The following PCDHGA5 variants were observed in gnomAD, a reference collection of about 807,000 sequenced individuals.
PCDHGA5 encodes the protein protocadherin gamma subfamily A, 5, also known as protocadherin gamma-A5.
Under a neutral mutation model 56.7 loss-of-function variants are expected in PCDHGA5, and 36 were observed. The observed-to-expected ratio is 0.64, with a 90% CI of 0.49 to 0.84. The LOEUF (loss-of-function observed/expected upper bound fraction) is 0.84. PCDHGA5 is among the 40% of genes least tolerant of loss of function. PCDHGA5 has a pLI of 0.00. For synonymous variants in PCDHGA5, 563 were observed against 520.2 expected, an observed-to-expected ratio of 1.08 and a Z score of -1.12; for missense variants, 1,305 against 1,201.5, an observed-to-expected ratio of 1.09 and a Z score of -1.27.
intron 1 of PCDHGA5, chr5:141,433,010 C>A (rs1392666523): frequency 6.2e-7 from 1 of 1,614,178 alleles, no homozygotes. Flanking sequence ...GGCTTTCCTG[C>A]AGACCTATTC....
At chr5:141,427,361 A>C in intron 1 of PCDHGA5, 1 of 457,772 alleles carries the variant, frequency 2.2e-6, no homozygotes, top group Non-Finnish European at 4.4e-6. Flanking sequence ...AGGACGCAGA[A>C]CCCTGGACGG....
In PCDHGA5 at chr5:141,365,455, T is replaced by G; in HGVS notation, c.1125T>G (p.Asp375Glu). 2 of 1,614,042 alleles carry G rather than the reference T, an allele frequency of 1.2e-6. No individual in the cohort carries two copies. The highest frequency in any genetic ancestry group is 1.7e-6 in the Non-Finnish European group (2 of 1,179,900). The change falls in exon 1 of 4, where the codon GAT (aspartate) becomes GAG (glutamate). Residue 375 changes from aspartate to glutamate, a missense_variant. Asp to Glu is a conservative substitution (Grantham distance 45, BLOSUM62 2). Coordinates refer to ENST00000518069, the MANE Select transcript of PCDHGA5 (RefSeq NM_018918.3). ...VIALFSVHDGDSGENGEIACS... is the reference protein window; with the variant it reads ...VIALFSVHDGESGENGEIACS... ...CGCTGTTTAGCGTACATGATGGTGA[T>G]TCTGGAGAAAATGGTGAGATTGCAT...
chr5:141,509,979 T>C (rs908103989), intron 3 of PCDHGA5, among the ~76,000 whole-genome samples: 4 of 152,204 alleles, frequency 2.6e-5, no homozygotes, highest in African/African-American at 7.2e-5. Context: ...CTTCTAACAC[T>C]TGGTTCCCTC....
chr5:141,490,485 G>A lies in PCDHGA5; in HGVS notation c.2422-4322G>A. 3 of 1,614,202 alleles carry A rather than the reference G, an allele frequency of 1.9e-6. No individual in the cohort carries two copies. Among genetic ancestry groups the A allele is most frequent in the Middle Eastern group, 3.3e-4 (2 of 6,062 alleles). On this transcript the variant is annotated intron_variant, in intron 1 of 3. Coordinates refer to ENST00000518069, the MANE Select transcript of PCDHGA5 (RefSeq NM_018918.3). This position sits in a 1 kb window ranked among gnomAD's most constrained non-coding sequence, Gnocchi z 5.4. ...TAACCAGCCAGCCTTTGGACCGGGA[G>A]GCCACATCCCACTATATCATCGAGC... is the stretch of plus-strand genomic sequence containing the variant.
At chr5:141,430,829 T>A (rs763916884) in intron 1 of PCDHGA5, 1 of 1,554,558 alleles carries the variant, frequency 6.4e-7, no homozygotes, top group Non-Finnish European at 8.7e-7. Context: ...GGGGACTCTG[T>A]GGGAGACCGG....
chr5:141,388,382 A>T, intron 1 of PCDHGA5: 1 of 1,614,018 alleles, frequency 6.2e-7, no homozygotes, highest in Non-Finnish European at 8.5e-7. Flanking sequence ...GTAGCAACAC[A>T]CTGCAGAATT....
intron 1 of PCDHGA5, chr5:141,388,188 T>C: frequency 6.5e-7 from 1 of 1,540,372 alleles, no homozygotes; most frequent in South Asian, 1.1e-5. Context: ...GAAGCCAGCT[T>C]GTGCTCTGGA....
chr5:141,386,398 C>T (rs904703549), intron 1 of PCDHGA5, among the ~76,000 whole-genome samples: 2 of 151,972 alleles, frequency 1.3e-5, no homozygotes, highest in South Asian at 2.1e-4. Flanking sequence ...ACACTTTTAG[C>T]CAGGTATGGT....
chr5:141,387,829 G>T, intron 1 of PCDHGA5: 2 of 1,591,770 alleles, frequency 1.3e-6, no homozygotes, highest in South Asian at 2.3e-5. Flanking sequence ...CAATACAGAG[G>T]TTATTTGTAA....
intron 1 of PCDHGA5, chr5:141,478,018 C>G: frequency 6.2e-7 from 1 of 1,614,124 alleles, no homozygotes; most frequent in Non-Finnish European, 8.5e-7. Flanking sequence ...CCCGTCCAGT[C>G]CAAGACACAG....
At chr5:141,500,152 A>C (rs1301287171) in intron 2 of PCDHGA5, among the ~76,000 whole-genome samples, 1 of 151,610 alleles carries the variant, frequency 6.6e-6, no homozygotes, top group African/African-American at 2.4e-5. Flanking sequence ...TTCTTTGTGT[A>C]ATCAAAGAAC....
At chr5:141,435,214 A>G (rs1314928643) in intron 1 of PCDHGA5, among the ~76,000 whole-genome samples, 2 of 152,176 alleles carry the variant, frequency 1.3e-5, no homozygotes, top group South Asian at 2.1e-4. Context: ...AAGTGAATTT[A>G]CTTTCTTTCA....
intron 1 of PCDHGA5, chr5:141,421,613 A>T (rs2096587756): frequency 6.2e-7 from 1 of 1,613,720 alleles, no homozygotes; most frequent in Admixed American, 1.7e-5. Context: ...GATATTAATG[A>T]TAACGCCCCC....
At position 141,497,209 on chromosome 5, in the gene PCDHGA5, T is replaced by TG. The variant is rs11343387; in HGVS notation, c.2480+2353dup. On this transcript the variant is annotated intron_variant, in intron 2 of 3. Coordinates refer to ENST00000518069, the MANE Select transcript of PCDHGA5 (RefSeq NM_018918.3). ...GAGGCAGAGAACAATGTGAGTGTAA[T>TG]GGGGGGGGGAAGATCAGAGAAGGCT... Among the ~76,000 whole-genome samples the TG allele has an allele frequency of 1.3e-3, 196 of 151,342 alleles. 1 individual carries two copies. The South Asian group carries it at 0.02, about 15-fold the overall frequency.
intron 1 of PCDHGA5, among the ~76,000 whole-genome samples, chr5:141,472,267 C>T (rs547832378): frequency 6.6e-5 from 10 of 152,216 alleles, no homozygotes; most frequent in African/African-American, 2.4e-4. Context: ...TATAGCCGGG[C>T]ACAGTGGCTC....
Position 141,491,507 on chromosome 5 carries a change from C to G in PCDHGA5, c.2422-3300C>G, listed in dbSNP as rs755899622. The stretch of plus-strand genomic sequence containing the variant: ...AACCTGCAGGTGAGCTCGGACGGCA[C>G]GCTCAAGTACATGGAGGTGACGCTG... On this transcript the variant is annotated intron_variant, in intron 1 of 3. Coordinates refer to ENST00000518069, the MANE Select transcript of PCDHGA5 (RefSeq NM_018918.3). This position sits in a 1 kb window ranked among gnomAD's most constrained non-coding sequence, Gnocchi z 6.9. 1.5e-5 allele frequency: 24 copies of G among 1,614,038 alleles called. No individual in the cohort carries two copies. The highest frequency in any genetic ancestry group is 2.0e-5 in the Non-Finnish European group (24 of 1,180,016).
chr5:141,431,648 A>G lies in PCDHGA5; in HGVS notation c.2422-63159A>G. 2 of 1,614,240 alleles carry G rather than the reference A, an allele frequency of 1.2e-6. No individual in the cohort carries two copies. The highest frequency in any genetic ancestry group is 1.7e-6 in the Non-Finnish European group (2 of 1,180,046). On this transcript the variant is annotated intron_variant, in intron 1 of 3. Transcript: ENST00000518069. The surrounding 1 kb of genome is among the most constrained non-coding windows in gnomAD (Gnocchi z 4.8). ...GGCCCAAGTTTTCAAACTAGATTGT[A>G]ATTCAGGGACAATATCAACAATAGG...
intron 1 of PCDHGA5, among the ~76,000 whole-genome samples, chr5:141,465,368 A>C (rs940928815): frequency 1.3e-5 from 2 of 152,114 alleles, no homozygotes; most frequent in Admixed American, 6.6e-5. Flanking sequence ...TGCCCTTTAA[A>C]GTTGTAAGAT....
rs754433753 is a variant in PCDHGA5 at position 141,399,914 on chromosome 5, A to G, written c.2421+33163A>G. On this transcript the variant is annotated intron_variant, in intron 1 of 3. Transcript: ENST00000518069. ...GTGGCCGTGGACGCAGACTCAGGACACAACGCCTGGCTGTCCTACCACGTG... is the reference window on the plus strand; with the variant it reads ...GTGGCCGTGGACGCAGACTCAGGACGCAACGCCTGGCTGTCCTACCACGTG... The G allele has an allele frequency of 2.7e-5, 44 of 1,612,236 alleles. No homozygotes were observed. In the Admixed American group the frequency reaches 7.3e-4, roughly 27 times the overall value.
Sources: allele counts gnomAD v4.1 joint callset (sites outside exome capture counted in the v4.1 genomes callset), GRCh38; gene constraint gnomAD v4.1.1; non-coding constraint Gnocchi (gnomAD v3.1); transcripts MANE v1.5; gene names NCBI Gene and HGNC (gene_info 2026-07-23, HGNC 2026-07-21).